The following SYNC variants were observed in gnomAD, a reference collection of about 807,000 sequenced individuals.
The protein encoded by SYNC is syncoilin, intermediate filament protein.
SYNC carries 38 observed loss-of-function variants against 49.5 expected under a neutral mutation model. That is an observed-to-expected ratio of 0.77 (90% CI 0.59 to 1.01). The LOEUF is 1.01. Among genes scored for constraint, SYNC ranks in the 50% least tolerant of loss-of-function variants. SYNC has a pLI of 0.00. For missense variants in SYNC, 579 were observed against 580.6 expected (o/e 1.00, Z 0.03); for synonymous variants, 201 against 230.8 (o/e 0.87, Z 1.17).
chr1:32,688,192 G>C (rs1318251868), intron 2 of SYNC, among the ~76,000 whole-genome samples: 2 of 152,112 alleles, frequency 1.3e-5, no homozygotes, highest in African/African-American at 4.8e-5. Context: ...ATGGACTCAA[G>C]CTAGATTGTT....
intron 2 of SYNC, among the ~76,000 whole-genome samples, chr1:32,687,732 C>T (rs1357496451): frequency 2.0e-5 from 3 of 151,450 alleles, no homozygotes; most frequent in Admixed American, 2.0e-4. Context: ...CTTGTGATTC[C>T]ACCACTAAGC....
intron 4 of SYNC, chr1:32,683,670 G>A (rs897181276): frequency 5.3e-6 from 1 of 188,756 alleles, no homozygotes; most frequent in Admixed American, 5.8e-5. Context: ...GTCTCACTCT[G>A]TTGTACAAGC....
At position 32,681,800 on chromosome 1, in the gene SYNC, T is replaced by C. The variant is rs1649454969; in HGVS notation, c.*50A>G. On this transcript the variant is annotated 3_prime_UTR_variant, in exon 5 of 5. Coordinates refer to ENST00000409190, the MANE Select transcript of SYNC (RefSeq NM_030786.3). ...ATCCAAAGGGTACTTAGTGATCCTTTGCTAAGAAGTTTTTTGCTGTTTCCG... is the reference window on the plus strand; with the variant it reads ...ATCCAAAGGGTACTTAGTGATCCTTCGCTAAGAAGTTTTTTGCTGTTTCCG... The C allele has an allele frequency of 6.2e-7, 1 of 1,614,062 alleles. No individual in the cohort carries two copies. Among genetic ancestry groups the C allele is most frequent in the Non-Finnish European group, 8.5e-7 (1 of 1,180,016 alleles).
intron 4 of SYNC, 150 bp downstream of exon 4, chr1:32,683,860 T>A (rs767516661): frequency 5.5e-5 from 38 of 695,872 alleles, no homozygotes; most frequent in Non-Finnish European, 8.5e-5. Flanking sequence ...CTTGAACTCC[T>A]GACTCCAGGT....
At chr1:32,700,836 C>T (rs976689555) in intron 1 of SYNC, among the ~76,000 whole-genome samples, 7 of 152,096 alleles carry the variant, frequency 4.6e-5, no homozygotes, top group Admixed American at 2.6e-4. Context: ...GCAGTATTTA[C>T]CACCCTCCTA....
In SYNC at chr1:32,680,362, T is replaced by TG. The variant is rs1252156649; in HGVS notation, c.*1487_*1488insC. The stretch of plus-strand genomic sequence containing the variant: ...TGTTTTTTTTTTTGTTGTTGGTTTT[T>TG]TTTTTTTTTTTTTTAACTTGGGACC... On this transcript the variant is annotated 3_prime_UTR_variant, in exon 5 of 5. Coordinates refer to ENST00000409190, the MANE Select transcript of SYNC (RefSeq NM_030786.3). 9.0e-7 allele frequency: 1 copy of TG among 1,116,912 alleles called. No individual in the cohort carries two copies. Among genetic ancestry groups the TG allele is most frequent in the African/African-American group, 1.6e-5 (1 of 60,866 alleles). The allele number at this position is 1,116,912 out of a possible 1,614,324, so 69.2% of individuals were successfully genotyped here.
At chr1:32,703,257 C>A (rs1458890784), upstream of SYNC, 1 of 152,004 alleles carries the variant, frequency 6.6e-6, no homozygotes, top group Non-Finnish European at 1.5e-5. Context: ...ACGGCCACAC[C>A]CCGCGCGTTT....
Position 32,680,418 on chromosome 1 carries a change from G to A in SYNC, c.*1432C>T. On this transcript the variant is annotated 3_prime_UTR_variant, in exon 5 of 5. Coordinates refer to ENST00000409190, the MANE Select transcript of SYNC (RefSeq NM_030786.3). ...GTTGTAAAGATGTATGTTTTTACCTGACAGTTATACCACAGGTAGACTGTC... is the reference window on the plus strand; with the variant it reads ...GTTGTAAAGATGTATGTTTTTACCTAACAGTTATACCACAGGTAGACTGTC... 9.1e-7 allele frequency: 1 copy of A among 1,096,848 alleles called. No individual in the cohort carries two copies. The highest frequency in any genetic ancestry group is 1.1e-6 in the Non-Finnish European group (1 of 887,056). The allele number at this position is 1,096,848 out of a possible 1,614,324, so 67.9% of individuals were successfully genotyped here. A position where few individuals can be genotyped will look rare whatever the true frequency, so the allele number is the denominator to read the frequency against.
chr1:32,682,963 C>G (rs1220481905), intron 4 of SYNC: 1 of 151,888 alleles, frequency 6.6e-6, no homozygotes, highest in Non-Finnish European at 1.5e-5. Context: ...CAGAAAGATG[C>G]CTTCAGTTTT....
At chr1:32,686,976 T>G (rs1180807643) in intron 2 of SYNC, among the ~76,000 whole-genome samples, 1 of 152,160 alleles carries the variant, frequency 6.6e-6, no homozygotes, top group Non-Finnish European at 1.5e-5. Context: ...TTTAACTGCT[T>G]TATATATTGC....
chr1:32,684,246 G>A lies in SYNC; in HGVS notation c.1358+12C>T. 1 of 1,614,120 alleles carries A rather than the reference G, an allele frequency of 6.2e-7. No individual in the cohort carries two copies. The highest frequency in any genetic ancestry group is 1.1e-5 in the South Asian group (1 of 91,084). On this transcript the variant is annotated intron_variant, in intron 3 of 4. Transcript: ENST00000409190. ...AGTATTAGATGAGATTTGTATAGCA[G>A]CAGAAACTGACTTATAAGTAGAGAG...
intron 4 of SYNC, chr1:32,683,663 T>G: frequency 5.7e-6 from 1 of 174,194 alleles, no homozygotes; most frequent in East Asian, 1.6e-4. Context: ...TGAGGCAGTC[T>G]CACTCTGTTG....
intron 2 of SYNC, among the ~76,000 whole-genome samples, chr1:32,689,178 C>T (rs1386011982): frequency 3.4e-5 from 5 of 148,092 alleles, no homozygotes; most frequent in Admixed American, 6.9e-5. Context: ...TGACGTGATC[C>T]GCCCGCCTCG....
Position 32,696,034 on chromosome 1 carries a change from C to T in SYNC, c.64G>A (p.Val22Ile), listed in dbSNP as rs1005731004. 1.3e-6 allele frequency: 2 copies of T among 1,534,484 alleles called. No individual in the cohort carries two copies. The highest frequency in any genetic ancestry group is 1.4e-5 in the African/African-American group (1 of 72,882). ...TTTGGAAGAGGAGAATTGGCCTCTA[C>T]TCTTGTTTTCCTGCAAAAGAAATGA... is the stretch of plus-strand genomic sequence containing the variant. ...GAAQAARKTR[V>I]EANSPLPKNS... The change falls in exon 2 of 5, where the codon GTA becomes ATA. Residue 22 changes from valine (V) to isoleucine (I), a missense_variant. Physicochemically the swap from Val to Ile is conservative, Grantham distance 29. Coordinates refer to ENST00000409190, the MANE Select transcript of SYNC (RefSeq NM_030786.3).
intron 1 of SYNC, among the ~76,000 whole-genome samples, chr1:32,699,150 T>TTTG (rs1465926503): frequency 1.3e-5 from 1 of 74,082 alleles, no homozygotes; most frequent in Non-Finnish European, 2.8e-5. Flanking sequence ...TGACTTTTCT[T>TTTG]TTCTTTTTTT....
chr1:32,686,031 G>A (rs1231987968), intron 2 of SYNC: 3 of 152,142 alleles, frequency 2.0e-5, no homozygotes, highest in Non-Finnish European at 4.4e-5. Context: ...TAGTACCGAA[G>A]TCACTAGTCA....
At position 32,692,574 on chromosome 1, in the gene SYNC, C is replaced by T. The variant is rs183000217; in HGVS notation, c.1233+2291G>A. Among the ~76,000 whole-genome samples, 18 of 152,238 alleles carry T rather than the reference C, an allele frequency of 1.2e-4. No individual in the cohort carries two copies. The East Asian group carries it at 3.1e-3, about 26-fold the overall frequency. On this transcript the variant is annotated intron_variant, in intron 2 of 4. Transcript: ENST00000409190. ...CCAGCCTGACCAACATGGTGAAACC[C>T]CATCTCTACTAAAATACCCAAATTA...
chr1:32,693,080 T>G (rs61798764), intron 2 of SYNC, among the ~76,000 whole-genome samples: 13 of 137,928 alleles, frequency 9.4e-5, no homozygotes, highest in Admixed American at 5.9e-4. Flanking sequence ...TTTTTTTGTT[T>G]GTTTGTTTTT....
chr1:32,695,341 A>AT lies in SYNC; in HGVS notation c.756dup (p.Cys253MetfsTer77). ...TCCAGCTGGTATTGGTAGGCCACAC[A>AT]TTCCTTTGTCACTTTGAAAAGCTTC... On this transcript the variant is annotated frameshift_variant, in exon 2 of 5. Coordinates refer to ENST00000409190, the MANE Select transcript of SYNC (RefSeq NM_030786.3). LOFTEE classifies it high-confidence loss of function. 6.4e-7 allele frequency: 1 copy of AT among 1,551,454 alleles called. No individual in the cohort carries two copies. Among genetic ancestry groups the AT allele is most frequent in the Non-Finnish European group, 8.7e-7 (1 of 1,147,038 alleles).
Sources: gnomAD v4.1 joint callset for allele counts (sites outside exome capture counted in the v4.1 genomes callset) on GRCh38, gnomAD v4.1.1 for gene constraint, MANE v1.5 for transcripts, NCBI Gene and HGNC (gene_info 2026-07-23, HGNC 2026-07-21) for gene names.